The following DACH2 variants were observed in gnomAD, a reference collection of about 807,000 sequenced individuals.
DACH2 encodes dachshund homolog 2.
DACH2 carries 17 observed loss-of-function variants against 35.8 expected under a neutral mutation model. That is an observed-to-expected ratio of 0.48 (90% CI 0.33 to 0.71). The LOEUF (loss-of-function observed/expected upper bound fraction) is 0.71, where lower values mean the gene tolerates loss of function less well. Ranked by LOEUF, DACH2 falls within the 30% of genes least tolerant of loss-of-function variation. DACH2 has a pLI of 0.02. For missense variants in DACH2, 469 were observed against 472.7 expected (o/e 0.99, Z 0.07); for synonymous variants, 195 against 177.3 (o/e 1.10, Z -0.79).
At chrX:86,692,144 A>C (rs754217747) in intron 4 of DACH2, among the ~76,000 whole-genome samples, 2 of 111,807 alleles carry the variant, frequency 1.8e-5, no homozygotes, top group Non-Finnish European at 3.8e-5. Flanking sequence ...ATTCATATAC[A>C]GTTGCCGTTA....
Position 86,405,198 on chromosome X carries a change from G to A in DACH2, c.527+28336G>A, listed in dbSNP as rs760725221. The stretch of plus-strand genomic sequence containing the variant: ...CCCATTGTCTTGGTGATTAACATTT[G>A]CCTTCTGGCTACTTATGCAATGGGC... On this transcript the variant is annotated intron_variant, in intron 2 of 11. Transcript: ENST00000373125. Among the ~76,000 whole-genome samples the A allele has an allele frequency of 3.6e-5, 4 of 111,733 alleles. No homozygotes were observed. In the South Asian group the frequency reaches 1.1e-3, roughly 32 times the overall value.
At chrX:86,193,390 A>G (rs2031887629) in intron 1 of DACH2, among the ~76,000 whole-genome samples, 1 of 111,912 alleles carries the variant, frequency 8.9e-6, no homozygotes, top group Non-Finnish European at 1.9e-5. Context: ...ATGAAATACA[A>G]CAAAGTCAAG....
chrX:86,588,879 C>A (rs1323212929), intron 3 of DACH2, among the ~76,000 whole-genome samples: 1 of 111,197 alleles, frequency 9.0e-6, no homozygotes, highest in Admixed American at 9.6e-5. Flanking sequence ...ATTGCCGTGG[C>A]TAGGACTTTC....
At chrX:86,812,451 AT>A (rs1328478687) in intron 7 of DACH2, among the ~76,000 whole-genome samples, 4 of 112,018 alleles carry the variant, frequency 3.6e-5, no homozygotes, top group African/African-American at 1.3e-4. Context: ...TATGTAAATT[AT>A]TTTTTGATAA....
chrX:86,476,213 T>G (rs1021910183), intron 2 of DACH2, among the ~76,000 whole-genome samples: 1 of 112,179 alleles, frequency 8.9e-6, no homozygotes, highest in African/African-American at 3.2e-5. Context: ...AGGTGTTCCC[T>G]TCTTCTCTCT....
At chrX:86,443,406 G>T (rs1176867633) in intron 2 of DACH2, among the ~76,000 whole-genome samples, 1 of 111,157 alleles carries the variant, frequency 9.0e-6, no homozygotes. Flanking sequence ...TTATTAGTTT[G>T]AATAGTTTTT....
intron 1 of DACH2, among the ~76,000 whole-genome samples, chrX:86,293,106 G>T (rs1167092169): frequency 1.2e-4 from 11 of 93,383 alleles, no homozygotes; most frequent in Non-Finnish European, 2.1e-4. Flanking sequence ...GAATCTGGGT[G>T]CTCCTGTATT....
chrX:86,758,837 A>C (rs1235148309), intron 7 of DACH2, among the ~76,000 whole-genome samples: 1 of 112,567 alleles, frequency 8.9e-6, no homozygotes. Context: ...ATTTTGATAC[A>C]GGCATGAAAT....
chrX:86,446,357 A>G (rs1392850032), intron 2 of DACH2, among the ~76,000 whole-genome samples: 2 of 79,987 alleles, frequency 2.5e-5, no homozygotes, highest in East Asian at 4.1e-4. Context: ...GGTTAGTTAC[A>G]TATGTATACA....
chrX:86,502,007 CTTCT>C (rs1350681674), intron 2 of DACH2, among the ~76,000 whole-genome samples: 11 of 89,772 alleles, frequency 1.2e-4, no homozygotes, highest in Admixed American at 2.5e-4. Flanking sequence ...TCCTTCTTTC[CTTCT>C]TTCCTTCCTT....
At chrX:86,500,851 A>G (rs1464461044) in intron 2 of DACH2, among the ~76,000 whole-genome samples, 1 of 111,997 alleles carries the variant, frequency 8.9e-6, no homozygotes, top group Non-Finnish European at 1.9e-5. Flanking sequence ...GAGTACAAGC[A>G]GTAAGTAACC....
chrX:86,566,175 A>C (rs951550867), intron 3 of DACH2, among the ~76,000 whole-genome samples: 2 of 112,054 alleles, frequency 1.8e-5, no homozygotes, highest in Non-Finnish European at 3.8e-5. Flanking sequence ...CATTAAAAAT[A>C]ATAGACTTTC....
chrX:86,247,206 T>A (rs1404699742), intron 1 of DACH2, among the ~76,000 whole-genome samples: 1 of 111,267 alleles, frequency 9.0e-6, no homozygotes, highest in Non-Finnish European at 1.9e-5. Context: ...ACATCACATG[T>A]AGAGGAACTA....
intron 1 of DACH2, among the ~76,000 whole-genome samples, chrX:86,264,195 A>G (rs935633696): frequency 8.9e-6 from 1 of 112,073 alleles, no homozygotes; most frequent in African/African-American, 3.2e-5. Context: ...GGGTTGAGCA[A>G]AACTAGCAAA....
At chrX:86,168,458 C>T (rs886464297) in intron 1 of DACH2, among the ~76,000 whole-genome samples, 24 of 110,866 alleles carry the variant, frequency 2.2e-4, no homozygotes, top group African/African-American at 6.5e-4. Flanking sequence ...TTGTGGGCAA[C>T]GGATCAATGG....
At chrX:86,399,832 C>A (rs999102691) in intron 2 of DACH2, among the ~76,000 whole-genome samples, 18 of 111,493 alleles carry the variant, frequency 1.6e-4, no homozygotes, top group Non-Finnish European at 3.8e-5. Context: ...TTCATTTCAA[C>A]TTTGGTGAAT....
chrX:86,343,021 C>G (rs1266635757), intron 1 of DACH2, among the ~76,000 whole-genome samples: 3 of 111,608 alleles, frequency 2.7e-5, no homozygotes, highest in African/African-American at 6.5e-5. Context: ...AGACATCATA[C>G]AGTTTCACAC....
intron 4 of DACH2, among the ~76,000 whole-genome samples, chrX:86,673,359 A>AAAG (rs1569464862): frequency 1.0e-5 from 1 of 99,451 alleles, no homozygotes; most frequent in East Asian, 3.0e-4. Flanking sequence ...AAAAAAAAAA[A>AAAG]GAAGAAGAAG....
intron 6 of DACH2, among the ~76,000 whole-genome samples, chrX:86,738,746 C>CA (rs1218075341): frequency 1.8e-5 from 2 of 110,315 alleles, no homozygotes; most frequent in African/African-American, 6.6e-5. Flanking sequence ...CAGAAGTATG[C>CA]AAAAATATTT....
Sources: allele counts gnomAD v4.1 joint callset (sites outside exome capture counted in the v4.1 genomes callset), GRCh38; gene constraint gnomAD v4.1.1; transcripts MANE v1.5; gene names NCBI Gene and HGNC (gene_info 2026-07-23, HGNC 2026-07-21).